NALCN: variants seen among roughly 807,000 people sequenced by gnomAD.
NALCN encodes the protein sodium leak channel, non-selective, also known as sodium leak channel NALCN.
A neutral mutation model predicts 225.3 loss-of-function variants in NALCN; 111 were observed. The ratio of observed to expected loss-of-function variants is 0.49; its 90% CI spans 0.42 to 0.58. The LOEUF is 0.58. Among genes scored for constraint, NALCN ranks in the 20% least tolerant of loss-of-function variants. NALCN has a pLI of 0.00. For synonymous variants in NALCN, 764 were observed against 769.0 expected, an observed-to-expected ratio of 0.99 and a Z score of 0.11; for missense variants, 1,378 against 2,202.4, an observed-to-expected ratio of 0.63 and a Z score of 7.49.
At chr13:101,277,430 AATT>A (rs2043004441) in intron 10 of NALCN, among the ~76,000 whole-genome samples, 2 of 152,298 alleles carry the variant, frequency 1.3e-5, no homozygotes, top group South Asian at 4.1e-4. Flanking sequence ...TGTGTGGACT[AATT>A]GTTATTATAT....
chr13:101,362,567 T>C (rs1192621059), intron 6 of NALCN, among the ~76,000 whole-genome samples: 2 of 152,014 alleles, frequency 1.3e-5, no homozygotes, highest in Non-Finnish European at 2.9e-5. Flanking sequence ...CACTAAAAAA[T>C]TGAGTATAAA....
At chr13:101,118,924 A>G (rs1047128520) in intron 18 of NALCN, among the ~76,000 whole-genome samples, 2 of 152,192 alleles carry the variant, frequency 1.3e-5, no homozygotes, top group African/African-American at 4.8e-5. Flanking sequence ...AGCAGTGTAC[A>G]GGGTGTCTTG....
chr13:101,351,435 A>G (rs2045905578), intron 6 of NALCN, among the ~76,000 whole-genome samples: 1 of 152,154 alleles, frequency 6.6e-6, no homozygotes, highest in Non-Finnish European at 1.5e-5. Flanking sequence ...ATTTTGTAGG[A>G]GTTTGAGATC....
chr13:101,133,899 G>A (rs1486413584), intron 17 of NALCN, among the ~76,000 whole-genome samples: 6 of 152,178 alleles, frequency 3.9e-5, no homozygotes, highest in Non-Finnish European at 8.8e-5. Context: ...GCCAGGTGCG[G>A]TGGCTCACGC....
chr13:101,256,478 GT>G (rs2042232360), intron 11 of NALCN, among the ~76,000 whole-genome samples: 1 of 152,182 alleles, frequency 6.6e-6, no homozygotes, highest in South Asian at 2.1e-4. Context: ...GGGCTAAAAA[GT>G]CGCAGAGCTA....
At chr13:101,124,754 A>T in intron 17 of NALCN, 73 bp from the exon 18 acceptor site, 1 of 1,181,152 alleles carries the variant, frequency 8.5e-7, no homozygotes, top group South Asian at 1.3e-5. Context: ...CATTCAATAG[A>T]TGACATTGTT....
chr13:101,187,492 G>A (rs564023684), intron 14 of NALCN, among the ~76,000 whole-genome samples: 7 of 152,166 alleles, frequency 4.6e-5, no homozygotes, highest in African/African-American at 1.7e-4. Context: ...GAGGATATTC[G>A]CAACACATGT....
intron 7 of NALCN, among the ~76,000 whole-genome samples, chr13:101,335,108 C>G (rs1349529626): frequency 6.6e-6 from 1 of 152,106 alleles, no homozygotes; most frequent in African/African-American, 2.4e-5. Flanking sequence ...TTATGCTCTC[C>G]AAAATTTACT....
intron 15 of NALCN, among the ~76,000 whole-genome samples, chr13:101,171,042 A>G (rs545052422): frequency 2.0e-5 from 3 of 151,952 alleles, no homozygotes; most frequent in African/African-American, 7.3e-5. Context: ...ACAGTCATCA[A>G]CTCTTCCGTT....
Position 101,089,587 on chromosome 13 carries a change from T to C in NALCN, c.3489+76A>G. The stretch of plus-strand genomic sequence containing the variant: ...GTTTAAAGCGGCTTCACGCCGCGTG[T>C]GAAAAGAAACAAATAGCTCAAAGTG... On this transcript the variant is annotated intron_variant, in intron 30 of 43. Coordinates refer to ENST00000251127, the MANE Select transcript of NALCN (RefSeq NM_052867.4). This position sits in a 1 kb window ranked among gnomAD's most constrained non-coding sequence, Gnocchi z 4.7. 7.3e-7 allele frequency: 1 copy of C among 1,361,170 alleles called. No individual in the cohort carries two copies. Among genetic ancestry groups the C allele is most frequent in the Non-Finnish European group, 1.0e-6 (1 of 965,122 alleles). The allele number at this position is 1,361,170 out of a possible 1,614,324, so 84.3% of individuals were successfully genotyped here. A position where few individuals can be genotyped will look rare whatever the true frequency, so the allele number is the denominator to read the frequency against.
chr13:101,246,478 G>C (rs995578995), intron 11 of NALCN, among the ~76,000 whole-genome samples: 5 of 152,134 alleles, frequency 3.3e-5, no homozygotes, highest in Non-Finnish European at 5.9e-5. Context: ...CTGATTACCT[G>C]TATCAGTCTG....
intron 27 of NALCN, among the ~76,000 whole-genome samples, chr13:101,100,069 T>C (rs911651166): frequency 3.3e-4 from 50 of 152,200 alleles, no homozygotes; most frequent in African/African-American, 1.2e-3. Flanking sequence ...GTATTCAAGT[T>C]TGGGTCTTTG....
At chr13:101,273,802 G>A (rs750790845) in intron 10 of NALCN, among the ~76,000 whole-genome samples, 2 of 150,478 alleles carry the variant, frequency 1.3e-5, no homozygotes, top group South Asian at 2.1e-4. Context: ...GGAGAATGGC[G>A]TGAACCCAGG....
rs1192335934 is a variant in NALCN, at chr13:101,183,642, T to C, written c.1765-7268A>G. 2.6e-5 allele frequency among the ~76,000 whole-genome samples: 4 copies of C among 152,054 alleles called. No homozygotes were observed. The East Asian group carries it at 7.7e-4, about 29-fold the overall frequency. On this transcript the variant is annotated intron_variant, in intron 14 of 43. Coordinates refer to ENST00000251127, the MANE Select transcript of NALCN (RefSeq NM_052867.4). ...ACCAGGCTAATTTTTGTGTGTTTAG[T>C]AGACACAGGGTTTTACCATGTTGAT...
At position 101,100,745 on chromosome 13, in the gene NALCN, C is replaced by T. The variant is rs1467553491; in HGVS notation, c.3162+39G>A. On this transcript the variant is annotated intron_variant, in intron 27 of 43. Coordinates refer to ENST00000251127, the MANE Select transcript of NALCN (RefSeq NM_052867.4). ...TAGGCACATGCCACCACACTTGGCC[C>T]TTAATTTTTATTTCAAAAGACAGAA... The T allele has an allele frequency of 2.6e-6, 4 of 1,549,532 alleles. No homozygotes were observed. In the Admixed American group the frequency reaches 5.6e-5, roughly 22 times the overall value.
chr13:101,197,531 C>T (rs2039941908), intron 13 of NALCN, among the ~76,000 whole-genome samples: 1 of 152,110 alleles, frequency 6.6e-6, no homozygotes, highest in Admixed American at 6.6e-5. Flanking sequence ...GAGTAAACAA[C>T]TGTGTTTACA....
chr13:101,268,476 A>C (rs1222291722), intron 10 of NALCN, among the ~76,000 whole-genome samples: 5 of 152,272 alleles, frequency 3.3e-5, no homozygotes, highest in Admixed American at 3.3e-4. Context: ...CCTTGTGGGA[A>C]GGGGAGACTA....
chr13:101,301,306 A>G (rs1282993259), intron 7 of NALCN, among the ~76,000 whole-genome samples: 2 of 152,332 alleles, frequency 1.3e-5, no homozygotes, highest in African/African-American at 4.8e-5. Context: ...GGCTGAGAGT[A>G]AGGGTAGCAA....
At chr13:101,238,025 C>A in intron 11 of NALCN, 103 bp from the exon 12 acceptor site, 2 of 919,396 alleles carry the variant, frequency 2.2e-6, no homozygotes, top group Non-Finnish European at 3.3e-6. Context: ...CTATCATATA[C>A]ACTAAGGTGC....
Sources: allele counts gnomAD v4.1 joint callset (sites outside exome capture counted in the v4.1 genomes callset), GRCh38; gene constraint gnomAD v4.1.1; non-coding constraint Gnocchi (gnomAD v3.1); transcripts MANE v1.5; gene names NCBI Gene and HGNC (gene_info 2026-07-23, HGNC 2026-07-21).